Variants in CUL9 observed in about 807,000 individuals in gnomAD.
CUL9 encodes the protein cullin-9.
A neutral mutation model predicts 272.6 loss-of-function variants in CUL9; 79 were observed. The ratio of observed to expected loss-of-function variants is 0.29; its 90% CI spans 0.24 to 0.35. CUL9 has a LOEUF of 0.35. Among genes scored for constraint, CUL9 ranks in the 10% least tolerant of loss-of-function variants. The pLI is 1.00. For synonymous variants in CUL9, 1,186 were observed against 1,286.5 expected, an observed-to-expected ratio of 0.92 and a Z score of 1.67; for missense variants, 2,532 against 3,255.6, an observed-to-expected ratio of 0.78 and a Z score of 5.41.
In CUL9 at chr6:43,223,503, C is replaced by T. The variant is rs1776549868; in HGVS notation, c.7284+106C>T. 7 of 1,433,524 alleles carry T rather than the reference C, an allele frequency of 4.9e-6. No individual in the cohort carries two copies. Among genetic ancestry groups the T allele is most frequent in the Non-Finnish European group, 6.5e-6 (7 of 1,071,446 alleles). 88.8% of individuals were successfully genotyped at this position (1,433,524 alleles called of 1,614,324 possible). A position where few individuals can be genotyped will look rare whatever the true frequency, so the allele number is the denominator to read the frequency against. On this transcript the variant is annotated intron_variant, in intron 39 of 40. Coordinates refer to ENST00000252050, the MANE Select transcript of CUL9 (RefSeq NM_015089.4). This position sits in a 1 kb window ranked among gnomAD's most constrained non-coding sequence, Gnocchi z 4.1. ...GGGGCGAGTCCAGAAGGAAAGGCAG[C>T]AAAGCGGGTGAATGGATGTTAGACC...
rs561502761 is a variant in CUL9, at chr6:43,185,898, A to G, written c.751-57A>G. On this transcript the variant is annotated intron_variant, in intron 3 of 40. Transcript: ENST00000252050. ...TCTGTAGAGGAGGATACTTCAGGGA[A>G]GGGGAGAGGCTAAAGCCAGGAAGAG... 1.4e-4 allele frequency: 210 copies of G among 1,532,876 alleles called. No individual in the cohort carries two copies. The African/African-American group carries it at 2.6e-3, about 19-fold the overall frequency. The allele number at this position is 1,532,876 out of a possible 1,614,324, so 95.0% of individuals were successfully genotyped here.
chr6:43,224,326 G>C lies in CUL9; in HGVS notation c.7435G>C (p.Asp2479His), dbSNP rs1275637427. Residue 2479 changes from aspartate to histidine, a missense_variant, in exon 41 of 41, where the codon GAT becomes CAT. Transcript: ENST00000252050. The surrounding 1 kb of genome is among the most constrained non-coding windows in gnomAD (Gnocchi z 4.2). ...GGATGATGTGCCCGAGTGGCAGCAG[G>C]ATGAGTTTGATGAGGAGCTGGACAA... ...DEDDVPEWQQDEFDEELDNDS... is the reference protein window; with the variant it reads ...DEDDVPEWQQHEFDEELDNDS... 2 of 1,614,126 alleles carry C rather than the reference G, an allele frequency of 1.2e-6. No homozygotes were observed. Among genetic ancestry groups the C allele is most frequent in the South Asian group, 2.2e-5 (2 of 91,088 alleles).
rs777953036 is a variant in CUL9 at position 43,186,301 on chromosome 6, G to T, written c.1097G>T (p.Arg366Leu). 5.6e-6 allele frequency: 9 copies of T among 1,614,072 alleles called. No individual in the cohort carries two copies. The highest frequency in any genetic ancestry group is 7.6e-6 in the Non-Finnish European group (9 of 1,180,050). ...PRRQGWVFRQ[R>L]SEFSSRSGYG... Reference sequence around the variant, plus strand: ...AGACAAGGGTGGGTCTTCCGCCAGCGCTCTGAATTCTCCAGCCGTAGTGGC... The same window carrying T: ...AGACAAGGGTGGGTCTTCCGCCAGCTCTCTGAATTCTCCAGCCGTAGTGGC... Residue 366 changes from arginine to leucine, a missense_variant, in exon 4 of 41, where the codon CGC (arginine) becomes CTC (leucine). Physicochemically the swap from Arg to Leu is moderately radical, Grantham distance 102. This residue lies in a region of CUL9 where 2,218 missense variants were observed against 2,788.6 expected (regional missense o/e 0.80). Coordinates refer to ENST00000252050, the MANE Select transcript of CUL9 (RefSeq NM_015089.4).
At chr6:43,214,576 G>A (rs1013441774) in intron 29 of CUL9, among the ~76,000 whole-genome samples, 1 of 152,088 alleles carries the variant, frequency 6.6e-6, no homozygotes, top group African/African-American at 2.4e-5. Flanking sequence ...TGAGGTGGGT[G>A]GATCACTTGA....
chr6:43,187,761 G>A lies in CUL9; in HGVS notation c.1630G>A (p.Ala544Thr). The A allele has an allele frequency of 6.2e-7, 1 of 1,613,480 alleles. No individual in the cohort carries two copies. Among genetic ancestry groups the A allele is most frequent in the Non-Finnish European group, 8.5e-7 (1 of 1,179,966 alleles). The change falls in exon 7 of 41, where the codon GCC becomes ACC. Residue 544 changes from alanine to threonine, a missense_variant. By Grantham distance (58) the Ala-to-Thr change is moderately conservative (BLOSUM62 0). This residue lies in a region of CUL9 where 2,218 missense variants were observed against 2,788.6 expected (regional missense o/e 0.80). Transcript: ENST00000252050. ...LGEISVSVEM[A>T]ESLLQVLSSR... ...TGAGATCTCTGTGTCCGTGGAAATG[G>A]CCGAGAGTCTGCTGCAGGTTCTCAG...
At chr6:43,194,916 G>A (rs546602830) in intron 9 of CUL9, among the ~76,000 whole-genome samples, 4 of 152,194 alleles carry the variant, frequency 2.6e-5, no homozygotes, top group Admixed American at 6.5e-5. Context: ...TTAGCCGGGC[G>A]TGGTGGTGCA....
Position 43,199,150 on chromosome 6 carries a change from G to C in CUL9, c.3051-116G>C. The C allele has an allele frequency of 2.3e-6, 2 of 879,186 alleles. No individual in the cohort carries two copies. The highest frequency in any genetic ancestry group is 3.0e-5 in the South Asian group (2 of 67,674). 54.5% of individuals were successfully genotyped at this position (879,186 alleles called of 1,614,324 possible). A position where few individuals can be genotyped will look rare whatever the true frequency, so the allele number is the denominator to read the frequency against. On this transcript the variant is annotated intron_variant, in intron 12 of 40. Transcript: ENST00000252050. This position sits in a 1 kb window ranked among gnomAD's most constrained non-coding sequence, Gnocchi z 4.4. The stretch of plus-strand genomic sequence containing the variant: ...GGGGTTTCTCCATTTTGGTCAGGCT[G>C]GTCTCGAACTCCCGACCTCAGGTGA...
intron 31 of CUL9, among the ~76,000 whole-genome samples, chr6:43,217,769 T>C (rs1776042303): frequency 6.6e-6 from 1 of 152,226 alleles, no homozygotes; most frequent in Non-Finnish European, 1.5e-5. Flanking sequence ...CATTTTTTCA[T>C]TCAACAAATA....
Position 43,213,734 on chromosome 6 carries a change from C to T in CUL9, c.5510C>T (p.Pro1837Leu), listed in dbSNP as rs1381733314. 5 of 1,613,550 alleles carry T rather than the reference C, an allele frequency of 3.1e-6. No homozygotes were observed. The East Asian group carries it at 6.7e-5, about 22-fold the overall frequency. Residue 1837 changes from proline to leucine, a missense_variant, in exon 29 of 41, where the codon CCT (proline) becomes CTT (leucine). By Grantham distance (98) the Pro-to-Leu change is moderately conservative (BLOSUM62 -3). Transcript: ENST00000252050. This position sits in a 1 kb window ranked among gnomAD's most constrained non-coding sequence, Gnocchi z 5.7. Reference sequence around the variant, plus strand: ...CCAGGTGTGCTGCGGCTTCATGAGCCTGGGCCCCAGCGCAGTGGGGAGGCC... The same window carrying T: ...CCAGGTGTGCTGCGGCTTCATGAGCTTGGGCCCCAGCGCAGTGGGGAGGCC... ...PHGGVLRLHE[P>L]GPQRSGEALW... is the part of the protein sequence containing the mutation.
Position 43,220,941 on chromosome 6 carries a change from A to G in CUL9, c.6588+30A>G, listed in dbSNP as rs1418912496. On this transcript the variant is annotated intron_variant, in intron 33 of 40. Transcript: ENST00000252050. This position sits in a 1 kb window ranked among gnomAD's most constrained non-coding sequence, Gnocchi z 4.9. ...GAGCCCCACACTGGCCCTGACCCTG[A>G]GCAAGGATTCACACTCCTTCCCTGC... 1.3e-6 allele frequency: 2 copies of G among 1,577,368 alleles called. No individual in the cohort carries two copies. The highest frequency in any genetic ancestry group is 1.8e-5 in the Admixed American group (1 of 55,932).
At chr6:43,209,726 A>G (rs1347208111) in intron 26 of CUL9, among the ~76,000 whole-genome samples, 1 of 151,472 alleles carries the variant, frequency 6.6e-6, no homozygotes, top group Non-Finnish European at 1.5e-5. Context: ...GCTCACTGCA[A>G]CCTCTGCCTC....
chr6:43,205,169 CTT>C (rs1774949379), intron 23 of CUL9, 54 bp downstream of exon 23: 3 of 1,578,524 alleles, frequency 1.9e-6, no homozygotes, highest in East Asian at 4.5e-5. Flanking sequence ...AAGTTCATCT[CTT>C]TCTGCTCTGC....
chr6:43,224,210 T>C lies in CUL9; in HGVS notation c.7359-40T>C. The C allele has an allele frequency of 6.2e-7, 1 of 1,613,980 alleles. No homozygotes were observed. The highest frequency in any genetic ancestry group is 8.5e-7 in the Non-Finnish European group (1 of 1,179,844). On this transcript the variant is annotated intron_variant, in intron 40 of 40. Transcript: ENST00000252050. The surrounding 1 kb of genome is among the most constrained non-coding windows in gnomAD (Gnocchi z 4.2). ...GAGCCATGGAGGAGGCAGTGGGACA[T>C]GGCAGCCTCCTCTGGGCTGAGTGTG...
chr6:43,213,086 A>G lies in CUL9; in HGVS notation c.5213-63A>G. ...TAGTAGGAGCAAAGCTTGACACCTC[A>G]ACCCCTAAACCCCTTGTTTCGCCCA... On this transcript the variant is annotated intron_variant, in intron 26 of 40. Transcript: ENST00000252050. The surrounding 1 kb of genome is among the most constrained non-coding windows in gnomAD (Gnocchi z 5.7). 6.4e-7 allele frequency: 1 copy of G among 1,574,318 alleles called. No individual in the cohort carries two copies. The highest frequency in any genetic ancestry group is 8.7e-7 in the Non-Finnish European group (1 of 1,154,668).
Position 43,205,368 on chromosome 6 carries a change from C to T in CUL9, c.4738C>T (p.Pro1580Ser), listed in dbSNP as rs775681503. 10 of 1,614,056 alleles carry T rather than the reference C, an allele frequency of 6.2e-6. No homozygotes were observed. The Admixed American group carries it at 1.2e-4, about 19-fold the overall frequency. The change falls in exon 24 of 41, where the codon CCC (proline) becomes TCC (serine). Residue 1580 changes from proline (P) to serine (S), a missense_variant. By Grantham distance (74) the Pro-to-Ser change is moderately conservative. Around this residue, in one of 3 missense-constraint regions of CUL9, gnomAD observed 2,218 missense variants for 2,788.6 expected, o/e 0.80. Coordinates refer to ENST00000252050, the MANE Select transcript of CUL9 (RefSeq NM_015089.4). The part of the protein sequence containing the change: ...MLGQLQRHLE[P>S]IMVLSGLELA... ...GGGGCAGCTTCAGCGGCACCTGGAA[C>T]CCATTATGGTCCTTTCTGGTCTGGA...
In CUL9 at chr6:43,185,943, T is replaced by C; in HGVS notation, c.751-12T>C. 1.3e-6 allele frequency: 2 copies of C among 1,589,642 alleles called. No homozygotes were observed. The highest frequency in any genetic ancestry group is 1.7e-6 in the Non-Finnish European group (2 of 1,166,258). On this transcript the variant is annotated splice_polypyrimidine_tract_variant and intron_variant, in intron 3 of 40. Transcript: ENST00000252050. Reference sequence around the variant, plus strand: ...GAAGAGATGAACCTGTCCCAAGGATTGTGTCTTACAGATCCCAGGAAAGCT... The same window carrying C: ...GAAGAGATGAACCTGTCCCAAGGATCGTGTCTTACAGATCCCAGGAAAGCT...
At position 43,213,739 on chromosome 6, in the gene CUL9, C is replaced by T. The variant is rs761664708; in HGVS notation, c.5515C>T (p.Pro1839Ser). The change falls in exon 29 of 41, where the codon CCC becomes TCC. Residue 1839 changes from proline (P) to serine (S), a missense_variant. By Grantham distance (74) the Pro-to-Ser change is moderately conservative (BLOSUM62 -1). This residue lies in a region of CUL9 where 2,218 missense variants were observed against 2,788.6 expected (regional missense o/e 0.80). Transcript: ENST00000252050. This position sits in a 1 kb window ranked among gnomAD's most constrained non-coding sequence, Gnocchi z 5.7. ...GGVLRLHEPG[P>S]QRSGEALWLI... ...TGTGCTGCGGCTTCATGAGCCTGGG[C>T]CCCAGCGCAGTGGGGAGGCCCTGTG... is the stretch of plus-strand genomic sequence containing the variant. 3 of 1,613,614 alleles carry T rather than the reference C, an allele frequency of 1.9e-6. No individual in the cohort carries two copies. Among genetic ancestry groups the T allele is most frequent in the South Asian group, 1.1e-5 (1 of 91,048 alleles).
chr6:43,187,155 G>A (rs904313324), intron 5 of CUL9, 60 bp downstream of exon 5: 2 of 1,606,260 alleles, frequency 1.2e-6, no homozygotes, highest in Non-Finnish European at 1.7e-6. Flanking sequence ...TGACTGGGAT[G>A]AAGCCACTTC....
intron 21 of CUL9, 91 bp downstream of exon 21, chr6:43,204,630 T>C (rs980462938): frequency 1.1e-5 from 17 of 1,584,220 alleles, no homozygotes; most frequent in African/African-American, 2.7e-5. Flanking sequence ...GCTGCTTTGC[T>C]ACCGGCCTTT....
Sources: allele counts gnomAD v4.1 joint callset (sites outside exome capture counted in the v4.1 genomes callset), GRCh38; gene constraint gnomAD v4.1.1; regional missense constraint gnomAD v4.1.1; non-coding constraint Gnocchi (gnomAD v3.1); transcripts MANE v1.5; gene names NCBI Gene and HGNC (gene_info 2026-07-23, HGNC 2026-07-21).